The following EYS variants were observed in gnomAD, a reference collection of about 807,000 sequenced individuals.
The protein encoded by EYS is protein eyes shut homolog.
EYS carries 250 observed loss-of-function variants against 282.1 expected under a neutral mutation model. That is an observed-to-expected ratio of 0.89 (90% CI 0.80 to 0.98). The LOEUF (loss-of-function observed/expected upper bound fraction) is 0.98, where lower values mean the gene tolerates loss of function less well. Ranked by LOEUF, EYS falls within the 50% of genes least tolerant of loss-of-function variation. The pLI, the probability that EYS is intolerant of heterozygous loss-of-function variation, is 0.00. For missense variants in EYS, 4,016 were observed against 3,709.0 expected, an observed-to-expected ratio of 1.08 and a Z score of -2.15; for synonymous variants, 1,355 against 1,282.9, an observed-to-expected ratio of 1.06 and a Z score of -1.20.
chr6:65,694,304 CAT>C (rs1255452020), intron 1 of EYS, among the ~76,000 whole-genome samples: 2 of 148,890 alleles, frequency 1.3e-5, no homozygotes, highest in African/African-American at 4.9e-5. Flanking sequence ...TATAATAAAA[CAT>C]ATGCACTCTG....
chr6:64,085,741 C>G (rs937804954), intron 31 of EYS, among the ~76,000 whole-genome samples: 1 of 152,188 alleles, frequency 6.6e-6, no homozygotes, highest in African/African-American at 2.4e-5. Context: ...AACAATACAA[C>G]TTAACTATTA....
At chr6:65,034,879 C>T (rs567857450) in intron 13 of EYS, among the ~76,000 whole-genome samples, 1 of 152,116 alleles carries the variant, frequency 6.6e-6, no homozygotes, top group African/African-American at 2.4e-5. Context: ...AGCATTATTC[C>T]TTTACCGATA....
intron 31 of EYS, among the ~76,000 whole-genome samples, chr6:64,194,116 C>T (rs1765205826): frequency 6.6e-6 from 1 of 152,080 alleles, no homozygotes; most frequent in Non-Finnish European, 1.5e-5. Flanking sequence ...TCATGATCTG[C>T]CGCCTCAGCC....
At chr6:65,487,927 A>G (rs946030632) in intron 5 of EYS, among the ~76,000 whole-genome samples, 27 of 152,116 alleles carry the variant, frequency 1.8e-4, no homozygotes, top group African/African-American at 6.5e-4. Flanking sequence ...CCAGGAATTT[A>G]TCCATTTCTT....
chr6:65,191,628 G>A (rs1223969420), intron 12 of EYS, among the ~76,000 whole-genome samples: 2 of 151,786 alleles, frequency 1.3e-5, no homozygotes, highest in Non-Finnish European at 2.9e-5. Context: ...TAAAAATTAC[G>A]CATGCATCAC....
At chr6:65,013,864 T>C (rs994210840) in intron 13 of EYS, among the ~76,000 whole-genome samples, 5 of 152,098 alleles carry the variant, frequency 3.3e-5, no homozygotes, top group African/African-American at 7.2e-5. Flanking sequence ...CTCTCTCTCT[T>C]AAGTAAATAA....
chr6:65,377,534 C>A (rs1355278664), intron 8 of EYS, among the ~76,000 whole-genome samples: 1 of 151,784 alleles, frequency 6.6e-6, no homozygotes, highest in African/African-American at 2.4e-5. Flanking sequence ...CAGAGCAGAA[C>A]CGAAGGAGAT....
intron 16 of EYS, among the ~76,000 whole-genome samples, chr6:64,903,462 A>G (rs1298477354): frequency 3.3e-5 from 5 of 152,226 alleles, no homozygotes; most frequent in Non-Finnish European, 7.4e-5. Flanking sequence ...GAAGCATTTA[A>G]AGGGAAGCAT....
At chr6:64,335,667 G>A (rs565835537) in intron 29 of EYS, among the ~76,000 whole-genome samples, 8 of 151,782 alleles carry the variant, frequency 5.3e-5, no homozygotes, top group Admixed American at 1.3e-4. Context: ...TGATTGTCCC[G>A]CAACAATCAG....
intron 2 of EYS, among the ~76,000 whole-genome samples, chr6:65,538,353 A>G (rs764343112): frequency 6.6e-6 from 1 of 152,192 alleles, no homozygotes; most frequent in Non-Finnish European, 1.5e-5. Context: ...TCTATATTTT[A>G]ACAAACTGTC....
At chr6:64,912,375 A>G in intron 16 of EYS, 109 bp downstream of exon 16, 1 of 899,458 alleles carries the variant, frequency 1.1e-6, no homozygotes, top group Non-Finnish European at 1.7e-6. Flanking sequence ...CACAATGTAC[A>G]TAGGATTTTT....
intron 31 of EYS, among the ~76,000 whole-genome samples, chr6:64,098,591 TTTTC>T (rs1772715098): frequency 1.3e-5 from 2 of 151,276 alleles, no homozygotes. Context: ...GTTAGTAATG[TTTTC>T]TTTCTTTCTT....
At chr6:64,908,551 G>T (rs1280945169) in intron 16 of EYS, among the ~76,000 whole-genome samples, 1 of 151,898 alleles carries the variant, frequency 6.6e-6, no homozygotes, top group Non-Finnish European at 1.5e-5. Context: ...AGAAGAATGA[G>T]GTCATGCAGA....
chr6:65,309,144 C>T (rs960401397), intron 11 of EYS, among the ~76,000 whole-genome samples: 14 of 152,226 alleles, frequency 9.2e-5, no homozygotes, highest in Middle Eastern at 3.4e-3. Context: ...TATGAGATAG[C>T]TGATGAGATA....
intron 2 of EYS, among the ~76,000 whole-genome samples, chr6:65,593,937 A>C (rs1431678456): frequency 1.3e-5 from 2 of 151,972 alleles, no homozygotes; most frequent in African/African-American, 4.8e-5. Flanking sequence ...TCATTTCACA[A>C]ACAAGGAACT....
At chr6:64,299,273 G>A (rs747671698) in intron 30 of EYS, among the ~76,000 whole-genome samples, 9 of 152,312 alleles carry the variant, frequency 5.9e-5, no homozygotes, top group Non-Finnish European at 8.8e-5. Context: ...ACCCAAAGGC[G>A]TGTTAACTCA....
chr6:63,913,128 T>G (rs565602689), intron 35 of EYS, among the ~76,000 whole-genome samples: 1 of 152,186 alleles, frequency 6.6e-6, no homozygotes, highest in Non-Finnish European at 1.5e-5. Context: ...AAAGTCATTT[T>G]TTCATATCCC....
intron 12 of EYS, among the ~76,000 whole-genome samples, chr6:65,232,176 T>C (rs867865137): frequency 6.6e-6 from 1 of 152,068 alleles, no homozygotes; most frequent in South Asian, 2.1e-4. Flanking sequence ...TGCATATGTC[T>C]ATGTTTATGT....
intron 28 of EYS, among the ~76,000 whole-genome samples, chr6:64,394,792 A>G (rs559793295): frequency 0.049 from 7,414 of 152,252 alleles, 277 homozygotes; most frequent in Non-Finnish European, 0.077. Flanking sequence ...GGATCTAATT[A>G]AACTAAAGAG....
Sources: allele counts gnomAD v4.1 joint callset (sites outside exome capture counted in the v4.1 genomes callset), GRCh38; gene constraint gnomAD v4.1.1; transcripts MANE v1.5; gene names NCBI Gene and HGNC (gene_info 2026-07-23, HGNC 2026-07-21).